Variants in DST observed in about 807,000 individuals in gnomAD.
The protein encoded by DST is dystonin, also known as bullous pemphigoid antigen.
Under a neutral mutation model 875.2 loss-of-function variants are expected in DST, and 253 were observed. The ratio of observed to expected loss-of-function variants is 0.29; its 90% CI spans 0.26 to 0.32. DST has a LOEUF of 0.32. DST is among the 10% of genes least tolerant of loss of function. The probability of loss-of-function intolerance (pLI) is 1.00; values close to 1 mark genes in which losing one functional copy is unlikely to be tolerated. For missense variants in DST, 8,287 were observed against 9,111.6 expected (o/e 0.91, Z 3.68); for synonymous variants, 3,124 against 3,197.1 (o/e 0.98, Z 0.77).
chr6:56,524,380 T>C (rs933048940), intron 69 of DST, among the ~76,000 whole-genome samples: 2 of 152,030 alleles, frequency 1.3e-5, no homozygotes, highest in African/African-American at 4.8e-5. Context: ...CACTTTGTTG[T>C]AATAATGGAA....
chr6:56,742,315 T>C, intron 4 of DST: 1 of 1,289,802 alleles, frequency 7.8e-7, no homozygotes, highest in Non-Finnish European at 1.0e-6. Context: ...CCAATCTTGA[T>C]CATTTTTCAT....
chr6:56,750,058 T>A (rs767923164), intron 4 of DST, among the ~76,000 whole-genome samples: 1 of 152,098 alleles, frequency 6.6e-6, no homozygotes, highest in African/African-American at 2.4e-5. Flanking sequence ...GGAGTACAGA[T>A]GAGCAAAAGG....
Position 56,476,285 on chromosome 6 carries a change from C to A in DST, c.21728G>T (p.Gly7243Val). The A allele has an allele frequency of 6.2e-7, 1 of 1,607,576 alleles. No homozygotes were observed. ...CAACAATTCCTGTTTGGCAATAAGCCCAGCCAGAGCACTTGCTAATCTCTG... is the reference window on the plus strand; with the variant it reads ...CAACAATTCCTGTTTGGCAATAAGCACAGCCAGAGCACTTGCTAATCTCTG... ...HQQRLASALAGLIAKQELLEA... is the reference protein window; with the variant it reads ...HQQRLASALAVLIAKQELLEA... The change falls in exon 92 of 104, where the codon GGG becomes GTG. Residue 7243 changes from glycine to valine, a missense_variant. Gly to Val is a moderately radical substitution (Grantham distance 109, BLOSUM62 -3). Around this residue, in one of 10 missense-constraint regions of DST, gnomAD observed 1,292 missense variants for 1,552.7 expected, o/e 0.83. Coordinates refer to ENST00000680361, the MANE Select transcript of DST (RefSeq NM_001374736.1).
chr6:56,606,530 A>C lies in DST; in HGVS notation c.8098T>G (p.Leu2700Val), dbSNP rs376284784. The change falls in exon 40 of 104, where the codon TTA becomes GTA. Residue 2700 changes from leucine to valine, a missense_variant. Leu to Val is a conservative substitution (Grantham distance 32). Coordinates refer to ENST00000680361, the MANE Select transcript of DST (RefSeq NM_001374736.1). ...DFLMDVEKDELDSGEKIHLNP... is the reference protein window; with the variant it reads ...DFLMDVEKDEVDSGEKIHLNP... ...AAATGTATTTTTTCACCAGAATCTA[A>C]TTCATCTTTCTCAACATCCATAAGG... The C allele has an allele frequency of 3.4e-4, 549 of 1,613,500 alleles. 7 individuals are homozygous for C. In the South Asian group the frequency reaches 3.5e-3, roughly 10 times the overall value.
chr6:56,707,887 T>C (rs1363261181), intron 5 of DST, among the ~76,000 whole-genome samples: 1 of 152,198 alleles, frequency 6.6e-6, no homozygotes, highest in Non-Finnish European at 1.5e-5. Flanking sequence ...TAGGAAAAGA[T>C]GGCCGGGTGT....
intron 4 of DST, among the ~76,000 whole-genome samples, chr6:56,782,117 C>T (rs915876940): frequency 1.4e-4 from 21 of 152,172 alleles, no homozygotes; most frequent in African/African-American, 3.9e-4. Context: ...CTGCTGGATT[C>T]GGTTTGCCAG....
intron 4 of DST, among the ~76,000 whole-genome samples, chr6:56,812,082 A>G (rs139315870): frequency 0.059 from 8,791 of 147,956 alleles, 845 homozygotes; most frequent in African/African-American, 0.21. Flanking sequence ...AGCCTGGGCA[A>G]CAGAAAGAGA....
At chr6:56,504,203 T>C in intron 77 of DST, 105 bp from the exon 78 acceptor site, 7 of 736,382 alleles carry the variant, frequency 9.5e-6, no homozygotes, top group Non-Finnish European at 1.5e-5. Flanking sequence ...AAAGATATTA[T>C]AGAATTAGAC....
intron 2 of DST, among the ~76,000 whole-genome samples, chr6:56,902,425 G>A (rs1164305836): frequency 6.6e-6 from 1 of 152,214 alleles, no homozygotes; most frequent in African/African-American, 2.4e-5. Flanking sequence ...TGTACAGTGG[G>A]ATTCTCACTG....
intron 5 of DST, among the ~76,000 whole-genome samples, chr6:56,732,813 C>T (rs897891323): frequency 2.6e-5 from 4 of 152,182 alleles, no homozygotes; most frequent in Non-Finnish European, 5.9e-5. Context: ...CTGCTGGGAT[C>T]TGCAACCTAT....
intron 5 of DST, among the ~76,000 whole-genome samples, chr6:56,712,664 T>C (rs1201837584): frequency 6.6e-6 from 1 of 152,220 alleles, no homozygotes; most frequent in Non-Finnish European, 1.5e-5. Context: ...TACAGTCTTA[T>C]TCTTTACCAC....
intron 55 of DST, 97 bp from the exon 56 acceptor site, chr6:56,562,297 C>A: frequency 1.4e-6 from 1 of 736,330 alleles, no homozygotes; most frequent in Non-Finnish European, 2.1e-6. Context: ...ACAGTAATCA[C>A]ACATAAAACA....
intron 5 of DST, among the ~76,000 whole-genome samples, chr6:56,716,353 A>T (rs2099394500): frequency 6.6e-6 from 1 of 152,238 alleles, no homozygotes; most frequent in South Asian, 2.1e-4. Context: ...GAATATCCTT[A>T]CGCAAAATCA....
intron 90 of DST, 61 bp from the exon 91 acceptor site, chr6:56,477,549 G>A: frequency 6.3e-7 from 1 of 1,598,240 alleles, no homozygotes; most frequent in Non-Finnish European, 8.5e-7. Context: ...AAACTCTGGT[G>A]GCATTTGTTT....
At chr6:56,529,025 A>T in intron 66 of DST, 100 bp from the exon 67 acceptor site, 1 of 777,382 alleles carries the variant, frequency 1.3e-6, no homozygotes, top group South Asian at 1.6e-5. Flanking sequence ...TCACAGAGAC[A>T]TATTTGAGTA....
chr6:56,929,402 G>A (rs1363055062), intron 2 of DST, among the ~76,000 whole-genome samples: 3 of 152,068 alleles, frequency 2.0e-5, no homozygotes, highest in Non-Finnish European at 4.4e-5. Flanking sequence ...TTTCTCTATG[G>A]AAAGCTCTTC....
intron 64 of DST, 129 bp downstream of exon 64, chr6:56,532,215 T>C (rs2096908317): frequency 8.4e-6 from 7 of 834,032 alleles, no homozygotes; most frequent in Non-Finnish European, 1.3e-5. Flanking sequence ...CAATCTTTGC[T>C]ATCTCTGTTC....
intron 5 of DST, among the ~76,000 whole-genome samples, chr6:56,706,322 A>AAAG (rs2099336684): frequency 1.3e-5 from 2 of 151,540 alleles, no homozygotes; most frequent in Admixed American, 6.6e-5. Context: ...TCAAAAAAAA[A>AAAG]AAAGAAAGAA....
chr6:56,573,202 A>T (rs1489765881), intron 51 of DST, 138 bp from the exon 52 acceptor site: 2 of 742,698 alleles, frequency 2.7e-6, no homozygotes, highest in Admixed American at 6.2e-5. Context: ...AAACTGAATG[A>T]CAAGTTTGGT....
Sources: allele counts gnomAD v4.1 joint callset (sites outside exome capture counted in the v4.1 genomes callset), GRCh38; gene constraint gnomAD v4.1.1; regional missense constraint gnomAD v4.1.1; transcripts MANE v1.5; gene names NCBI Gene and HGNC (gene_info 2026-07-23, HGNC 2026-07-21).